ARPC1B: variants seen among roughly 807,000 people sequenced by gnomAD.
ARPC1B encodes actin related protein 2/3 complex subunit 1B.
ARPC1B carries 29 observed loss-of-function variants against 46.0 expected under a neutral mutation model. The ratio of observed to expected loss-of-function variants is 0.63; its 90% CI spans 0.47 to 0.86. The LOEUF is 0.86. Among genes scored for constraint, ARPC1B ranks in the 40% least tolerant of loss-of-function variants. ARPC1B has a pLI of 0.00. For synonymous variants in ARPC1B, 201 were observed against 213.9 expected (o/e 0.94, Z 0.53); for missense variants, 469 against 529.4 (o/e 0.89, Z 1.12).
At chr7:99,385,104 G>A (rs954421180) in intron 1 of ARPC1B, among the ~76,000 whole-genome samples, 5 of 151,346 alleles carry the variant, frequency 3.3e-5, no homozygotes, top group African/African-American at 7.3e-5. Context: ...ACAGGTGCCC[G>A]CCACCACACC....
At chr7:99,392,582 C>A in intron 7 of ARPC1B, 89 bp from the exon 8 acceptor site, 1 of 1,211,212 alleles carries the variant, frequency 8.3e-7, no homozygotes, top group Non-Finnish European at 1.1e-6. Flanking sequence ...CTGGCATCTG[C>A]CTCCCGGGCG....
At chr7:99,375,302 T>A (rs1348144832) in intron 1 of ARPC1B, among the ~76,000 whole-genome samples, 4 of 151,990 alleles carry the variant, frequency 2.6e-5, no homozygotes, top group Admixed American at 6.5e-5. Flanking sequence ...CGCCGGGAAA[T>A]GAGCTGGCGT....
rs888249172 is a variant in ARPC1B at position 99,394,097 on chromosome 7, G to T, written c.1058G>T (p.Gly353Val). Residue 353 changes from glycine to valine, a missense_variant, in exon 9 of 10, where the codon GGC becomes GTC. Transcript: ENST00000646101. ...TTCTGCACCACTGGCATGGATGGCG[G>T]CATGAGTATCTGGGATGTGAAGGTG... ...SQFCTTGMDG[G>V]MSIWDVKSLE... 1.2e-6 allele frequency: 2 copies of T among 1,613,590 alleles called. No individual in the cohort carries two copies. Among genetic ancestry groups the T allele is most frequent in the Non-Finnish European group, 8.5e-7 (1 of 1,180,018 alleles).
chr7:99,390,479 C>T (rs994145553), intron 5 of ARPC1B, among the ~76,000 whole-genome samples: 31 of 151,904 alleles, frequency 2.0e-4, no homozygotes, highest in African/African-American at 6.8e-4. Flanking sequence ...AGCGATCAAG[C>T]GATTCTCCTG....
At chr7:99,379,397 A>G (rs1196981912) in intron 1 of ARPC1B, among the ~76,000 whole-genome samples, 1 of 152,164 alleles carries the variant, frequency 6.6e-6, no homozygotes, top group African/African-American at 2.4e-5. Flanking sequence ...GAAGTTGAGT[A>G]ACCGCTTAGC....
chr7:99,391,733 G>A (rs763189835), intron 7 of ARPC1B, among the ~76,000 whole-genome samples: 3 of 143,300 alleles, frequency 2.1e-5, no homozygotes, highest in Non-Finnish European at 4.5e-5. Context: ...CTTCAGCCTC[G>A]GCGACACAAA....
chr7:99,381,102 A>G (rs769240829), intron 1 of ARPC1B, among the ~76,000 whole-genome samples: 1 of 152,200 alleles, frequency 6.6e-6, no homozygotes, highest in Non-Finnish European at 1.5e-5. Flanking sequence ...AACCCCCATC[A>G]GACCTGCTGA....
At chr7:99,383,682 G>A (rs1194922109) in intron 1 of ARPC1B, among the ~76,000 whole-genome samples, 1 of 152,236 alleles carries the variant, frequency 6.6e-6, no homozygotes, top group African/African-American at 2.4e-5. Flanking sequence ...GGCAGCACCA[G>A]AGCGAGAGCC....
At position 99,391,170 on chromosome 7, in the gene ARPC1B, C is replaced by A; in HGVS notation, c.708-8C>A. 1 of 1,613,900 alleles carries A rather than the reference C, an allele frequency of 6.2e-7. No homozygotes were observed. Among genetic ancestry groups the A allele is most frequent in the African/African-American group, 1.3e-5 (1 of 75,042 alleles). On this transcript the variant is annotated splice_polypyrimidine_tract_variant and splice_region_variant and intron_variant, in intron 6 of 9. Coordinates refer to ENST00000646101, the MANE Select transcript of ARPC1B (RefSeq NM_005720.4). ...GGGACACCGTGACTCACAGCTCTCT[C>A]CCCTCAGCGTCGCGACTCTGGCCTC... is the stretch of plus-strand genomic sequence containing the variant.
rs1336532890 is a variant in ARPC1B, at chr7:99,388,157, C to T, written c.288C>T (p.Asn96=). 6.2e-7 allele frequency: 1 copy of T among 1,614,110 alleles called. No homozygotes were observed. The highest frequency in any genetic ancestry group is 1.7e-5 in the Admixed American group (1 of 60,002). The part of the protein sequence containing the change: ...WKPTLVILRI[N]RAARCVRWAP... ...CCACGCTGGTCATCCTGCGGATCAACCGGGCTGCCCGCTGCGTGCGCTGGG... is the reference window on the plus strand; with the variant it reads ...CCACGCTGGTCATCCTGCGGATCAATCGGGCTGCCCGCTGCGTGCGCTGGG... The change falls in exon 4 of 10, where the codon AAC becomes AAT. Residue 96 remains asparagine (N), a synonymous_variant. Coordinates refer to ENST00000646101, the MANE Select transcript of ARPC1B (RefSeq NM_005720.4).
chr7:99,394,695 A>G lies in ARPC1B; in HGVS notation c.*206A>G, dbSNP rs1794707404. 1 of 1,234,276 alleles carries G rather than the reference A, an allele frequency of 8.1e-7. No homozygotes were observed. The highest frequency in any genetic ancestry group is 1.0e-6 in the Non-Finnish European group (1 of 1,001,932). The allele number at this position is 1,234,276 out of a possible 1,614,324, so 76.5% of individuals were successfully genotyped here. ...GCCTTTTTCTTAAATGCTTTCATTT[A>G]TTGAAAAAAAAAAAAAATGCCCCCA... is the stretch of plus-strand genomic sequence containing the variant. On this transcript the variant is annotated 3_prime_UTR_variant, in exon 10 of 10. Transcript: ENST00000646101.
Position 99,386,855 on chromosome 7 carries a change from C to A in ARPC1B, c.169+66C>A, listed in dbSNP as rs947740378. On this transcript the variant is annotated intron_variant, in intron 3 of 9. Coordinates refer to ENST00000646101, the MANE Select transcript of ARPC1B (RefSeq NM_005720.4). ...GGTGGGTTGGGGGGGTGGTGCAAGG[C>A]AGGGCATGGCCACTCATTGTGGAGC... The A allele has an allele frequency of 5.9e-6, 7 of 1,196,398 alleles. No homozygotes were observed. In the African/African-American group the frequency reaches 1.1e-4, roughly 18 times the overall value. The allele number at this position is 1,196,398 out of a possible 1,614,324, so 74.1% of individuals were successfully genotyped here. A position where few individuals can be genotyped will look rare whatever the true frequency, so the allele number is the denominator to read the frequency against.
chr7:99,374,294 C>G (rs998198778), upstream of ARPC1B: 8 of 152,132 alleles, frequency 5.3e-5, no homozygotes, highest in African/African-American at 1.9e-4. The surrounding 1 kb of genome is among the most constrained non-coding windows in gnomAD (Gnocchi z 5.0). Context: ...GTGAAGGGAG[C>G]TCCTCGCTGG....
intron 1 of ARPC1B, among the ~76,000 whole-genome samples, chr7:99,379,309 T>C (rs1358616614): frequency 2.6e-5 from 4 of 152,224 alleles, no homozygotes; most frequent in Non-Finnish European, 5.9e-5. Flanking sequence ...TTGACTTCAC[T>C]CTGCGTGGTT....
chr7:99,386,250 C>CAAAA, intron 2 of ARPC1B: 1 of 286,116 alleles, frequency 3.5e-6, no homozygotes, highest in Non-Finnish European at 6.7e-6. Flanking sequence ...GACTCTGTCT[C>CAAAA]AAAAAAAAAA....
intron 4 of ARPC1B, 113 bp downstream of exon 4, chr7:99,388,374 G>A: frequency 2.9e-6 from 3 of 1,028,348 alleles, no homozygotes; most frequent in Non-Finnish European, 4.3e-6. Flanking sequence ...CACCCTGGGG[G>A]AGTCCATCCT....
At chr7:99,386,300 G>A (rs1403864054) in intron 2 of ARPC1B, 2 of 377,248 alleles carry the variant, frequency 5.3e-6, no homozygotes, top group African/African-American at 4.2e-5. Context: ...CCAAGAAAAA[G>A]CCTTTCGGAG....
chr7:99,383,139 C>T (rs568322852), intron 1 of ARPC1B, among the ~76,000 whole-genome samples: 1 of 152,320 alleles, frequency 6.6e-6, no homozygotes, highest in Admixed American at 6.5e-5. Flanking sequence ...GCCACCGTGC[C>T]TGGCCTCATT....
At chr7:99,386,311 G>T (rs1794390000) in intron 2 of ARPC1B, 2 of 395,180 alleles carry the variant, frequency 5.1e-6, no homozygotes, top group Non-Finnish European at 9.7e-6. Context: ...CCTTTCGGAG[G>T]AGATGACATT....
Sources: allele counts gnomAD v4.1 joint callset (sites outside exome capture counted in the v4.1 genomes callset), GRCh38; gene constraint gnomAD v4.1.1; non-coding constraint Gnocchi (gnomAD v3.1); transcripts MANE v1.5; gene names NCBI Gene and HGNC (gene_info 2026-07-23, HGNC 2026-07-21).